Variants in CPXM2 observed in about 807,000 individuals in gnomAD.
The protein encoded by CPXM2 is inactive carboxypeptidase-like protein X2.
Under a neutral mutation model 86.1 loss-of-function variants are expected in CPXM2, and 66 were observed. That is an observed-to-expected ratio of 0.77 (90% CI 0.63 to 0.94). The LOEUF is 0.94. Ranked by LOEUF, CPXM2 falls within the 40% of genes least tolerant of loss-of-function variation. The pLI is 0.00. For missense variants in CPXM2, 948 were observed against 1,026.3 expected, an observed-to-expected ratio of 0.92 and a Z score of 1.04; for synonymous variants, 388 against 400.2, an observed-to-expected ratio of 0.97 and a Z score of 0.36.
chr10:123,785,866 C>T (rs1847042475), intron 6 of CPXM2, among the ~76,000 whole-genome samples: 1 of 152,142 alleles, frequency 6.6e-6, no homozygotes, highest in African/African-American at 2.4e-5. Flanking sequence ...ATCTCCTGAC[C>T]TTGTGATCTG....
At chr10:123,811,180 G>A (rs1847686686) in intron 4 of CPXM2, among the ~76,000 whole-genome samples, 1 of 148,974 alleles carries the variant, frequency 6.7e-6, no homozygotes, top group South Asian at 2.1e-4. Flanking sequence ...TTAAGTTCTA[G>A]GGTACATGTG....
At chr10:123,863,908 G>A (rs1848918389) in intron 2 of CPXM2, among the ~76,000 whole-genome samples, 1 of 152,148 alleles carries the variant, frequency 6.6e-6, no homozygotes, top group South Asian at 2.1e-4. Context: ...GGAGCTCACA[G>A]TCCCCAGCGG....
At chr10:123,936,271 A>G (rs1459752463) in intron 2 of CPXM2, among the ~76,000 whole-genome samples, 2 of 152,186 alleles carry the variant, frequency 1.3e-5, no homozygotes, top group East Asian at 3.9e-4. Flanking sequence ...CCAGGGAGTA[A>G]GAGTGGTCCA....
chr10:123,880,229 G>A lies in CPXM2; in HGVS notation c.385C>T (p.Arg129Cys), dbSNP rs771257066. Reference protein sequence around the residue: ...ANDDHSVRVAREDVRESCPPL... With the variant: ...ANDDHSVRVACEDVRESCPPL... ...CACTTACTCTCTCTGACATCTTCAC[G>A]GGCCACACGGACACTGTGATCATCG... The change falls in exon 2 of 14, where the codon CGT becomes TGT. Residue 129 changes from arginine (R) to cysteine (C), a missense_variant. By Grantham distance (180) the Arg-to-Cys change is radical (BLOSUM62 -3). Coordinates refer to ENST00000241305, the MANE Select transcript of CPXM2 (RefSeq NM_198148.3). 1.1e-5 allele frequency: 16 copies of A among 1,464,406 alleles called. No homozygotes were observed. The highest frequency in any genetic ancestry group is 1.9e-4 in the Middle Eastern group (1 of 5,362). 90.7% of individuals were successfully genotyped at this position (1,464,406 alleles called of 1,614,324 possible). A position where few individuals can be genotyped will look rare whatever the true frequency, so the allele number is the denominator to read the frequency against.
intron 2 of CPXM2, among the ~76,000 whole-genome samples, chr10:123,930,187 T>C (rs1194188420): frequency 1.8e-5 from 2 of 111,416 alleles, no homozygotes; most frequent in Non-Finnish European, 3.4e-5. Context: ...CCTGGGAAAA[T>C]TCATGCCTGA....
intron 2 of CPXM2, among the ~76,000 whole-genome samples, chr10:123,867,706 T>C (rs1030128221): frequency 6.6e-6 from 1 of 152,170 alleles, no homozygotes; most frequent in Non-Finnish European, 1.5e-5. Context: ...CTAATTTTTG[T>C]ATTTTTAGTA....
At chr10:123,750,551 C>T (rs1284257498) in intron 13 of CPXM2, 1 of 983,678 alleles carries the variant, frequency 1.0e-6, no homozygotes, top group South Asian at 4.7e-5. Flanking sequence ...TTATTTTTTT[C>T]ATGGCACTGA....
chr10:123,880,149 C>T, intron 2 of CPXM2, 62 bp downstream of exon 2: 5 of 236,104 alleles, frequency 2.1e-5, no homozygotes, highest in Non-Finnish European at 4.5e-5. Flanking sequence ...GGCCTGTACC[C>T]ACCCACCCTC....
chr10:123,861,766 A>ATTTC (rs779851760), intron 3 of CPXM2, among the ~76,000 whole-genome samples: 1 of 152,222 alleles, frequency 6.6e-6, no homozygotes, highest in Non-Finnish European at 1.5e-5. Context: ...GTCTCCAGAA[A>ATTTC]GAGCATCGCC....
intron 4 of CPXM2, among the ~76,000 whole-genome samples, chr10:123,833,227 G>A (rs969080460): frequency 1.3e-5 from 2 of 152,194 alleles, no homozygotes; most frequent in African/African-American, 4.8e-5. Context: ...AGGAACCCAT[G>A]TGGGCAGGGT....
At chr10:123,916,548 T>C (rs1472827790) in intron 2 of CPXM2, among the ~76,000 whole-genome samples, 1 of 152,166 alleles carries the variant, frequency 6.6e-6, no homozygotes, top group Non-Finnish European at 1.5e-5. Flanking sequence ...CTCCTTTGAG[T>C]GGTGACTGAA....
chr10:123,933,648 G>T (rs1945687756), intron 2 of CPXM2, among the ~76,000 whole-genome samples: 1 of 152,054 alleles, frequency 6.6e-6, no homozygotes, highest in Non-Finnish European at 1.5e-5. Flanking sequence ...AACCCGGGAG[G>T]CAGAGGTTGC....
chr10:123,943,479 G>T (rs536104863), upstream of CPXM2, among the ~76,000 whole-genome samples: 5 of 152,210 alleles, frequency 3.3e-5, no homozygotes, highest in South Asian at 2.1e-4. Context: ...TTTGCCAGCC[G>T]TGCAGGGTTT....
intron 2 of CPXM2, among the ~76,000 whole-genome samples, chr10:123,875,255 T>C (rs140472678): frequency 6.6e-6 from 1 of 152,314 alleles, no homozygotes; most frequent in African/African-American, 2.4e-5. Flanking sequence ...TAGGCATGTT[T>C]GAGATGGTGC....
intron 2 of CPXM2, chr10:123,914,113 T>A: frequency 2.2e-6 from 1 of 461,538 alleles, no homozygotes; most frequent in Non-Finnish European, 4.4e-6. Context: ...CAGCCTGCCC[T>A]GTGCCTGAGA....
Position 123,767,510 on chromosome 10 carries a change from C to T in CPXM2, c.1300-358G>A, listed in dbSNP as rs1057024004. ...CTCATCAATGGCCACCACAGTAATG[C>T]ATTCTCCCTGCCTGCCCATGATTCT... On this transcript the variant is annotated intron_variant, in intron 9 of 13. Coordinates refer to ENST00000241305, the MANE Select transcript of CPXM2 (RefSeq NM_198148.3). Among the ~76,000 whole-genome samples, 14 of 152,284 alleles carry T rather than the reference C, an allele frequency of 9.2e-5. 1 individual carries two copies. The highest frequency in any genetic ancestry group is 3.1e-4 in the African/African-American group (13 of 41,546).
At chr10:123,748,988 A>G (rs1846020517) in intron 13 of CPXM2, among the ~76,000 whole-genome samples, 1 of 152,170 alleles carries the variant, frequency 6.6e-6, no homozygotes, top group Non-Finnish European at 1.5e-5. Flanking sequence ...TTCTGTGCTC[A>G]ACATGCGTGC....
intron 2 of CPXM2, among the ~76,000 whole-genome samples, chr10:123,927,260 G>A (rs1452957226): frequency 6.6e-6 from 1 of 152,186 alleles, no homozygotes; most frequent in African/African-American, 2.4e-5. Flanking sequence ...GCAGCCTCCT[G>A]TGTCCCACCC....
chr10:123,932,032 G>T (rs1431033331), intron 2 of CPXM2, among the ~76,000 whole-genome samples: 2 of 152,112 alleles, frequency 1.3e-5, no homozygotes, highest in Non-Finnish European at 2.9e-5. Flanking sequence ...TTTAAACAGG[G>T]TGACAGTGTT....
Sources: gnomAD v4.1 joint callset for allele counts (sites outside exome capture counted in the v4.1 genomes callset) on GRCh38, gnomAD v4.1.1 for gene constraint, MANE v1.5 for transcripts, NCBI Gene and HGNC (gene_info 2026-07-23, HGNC 2026-07-21) for gene names.